ARMCX4: variants seen among roughly 807,000 people sequenced by gnomAD.
The protein encoded by ARMCX4 is armadillo repeat containing X-linked 4, also known as armadillo repeat-containing X-linked protein 4.
In ARMCX4, 3 loss-of-function variants were observed where a neutral mutation model predicts 34.7. The ratio of observed to expected loss-of-function variants is 0.09; its 90% CI spans 0.04 to 0.22. ARMCX4 has a LOEUF of 0.22. Among genes scored for constraint, ARMCX4 ranks in the 10% least tolerant of loss-of-function variants. ARMCX4 has a pLI of 1.00. For synonymous variants in ARMCX4, 513 were observed against 632.8 expected (o/e 0.81, Z 2.84); for missense variants, 1,448 against 1,720.8 (o/e 0.84, Z 2.81).
intron 2 of ARMCX4, among the ~76,000 whole-genome samples, chrX:101,421,632 A>G (rs782236486): frequency 9.0e-6 from 1 of 111,128 alleles, no homozygotes; most frequent in Admixed American, 9.6e-5. Flanking sequence ...TTTTTCCAAG[A>G]TGGTCCCTGC....
chrX:101,510,529 A>C (rs1934559372), intron 10 of ARMCX4, among the ~76,000 whole-genome samples: 2 of 111,319 alleles, frequency 1.8e-5, no homozygotes, highest in Admixed American at 1.9e-4. Context: ...CAAGCCTCCT[A>C]TTTTTGGTCT....
At chrX:101,423,189 C>T (rs1187359523) in intron 2 of ARMCX4, among the ~76,000 whole-genome samples, 2 of 110,163 alleles carry the variant, frequency 1.8e-5, no homozygotes, top group East Asian at 3.0e-4. Flanking sequence ...GGATTACAGG[C>T]GTGAGCCACC....
chrX:101,492,088 G>T lies in ARMCX4; in HGVS notation c.3499G>T (p.Ala1167Ser). The change falls in exon 6 of 6, where the codon GCT becomes TCT. Residue 1167 changes from alanine (A) to serine (S), a missense_variant. Coordinates refer to ENST00000423738, the MANE Select transcript of ARMCX4 (RefSeq NM_001256155.3). ...TGATGAGACCAGTGTTAAGTCCTGG[G>T]CTGGGGCCAGGGCTGAGAATGTGGT... ...ACDETSVKSW[A>S]GARAENVVGI... The T allele has an allele frequency of 8.7e-7, 1 of 1,151,832 alleles. No individual in the cohort carries two copies. The highest frequency in any genetic ancestry group is 1.1e-6 in the Non-Finnish European group (1 of 870,168). The allele number at this position is 1,151,832 out of a possible 1,213,427, so 94.9% of individuals were successfully genotyped here.
At chrX:101,421,648 CTG>C (rs1929261537) in intron 2 of ARMCX4, among the ~76,000 whole-genome samples, 1 of 111,054 alleles carries the variant, frequency 9.0e-6, no homozygotes, top group Non-Finnish European at 1.9e-5. Flanking sequence ...CCTGCACACA[CTG>C]TGTCCTCCAG....
chrX:101,516,068 T>C (rs5951340), intron 11 of ARMCX4, among the ~76,000 whole-genome samples: 58,733 of 110,767 alleles, frequency 0.53, 12,390 homozygotes, highest in Non-Finnish European at 0.68. Context: ...TTTAAATTAA[T>C]GCTGTTTGTT....
At chrX:101,529,079 A>G (rs1345607064) in intron 11 of ARMCX4, among the ~76,000 whole-genome samples, 1 of 111,778 alleles carries the variant, frequency 8.9e-6, no homozygotes, top group Non-Finnish European at 1.9e-5. Flanking sequence ...CCTGACTTCA[A>G]ACTATACTAC....
intron 4 of ARMCX4, among the ~76,000 whole-genome samples, chrX:101,469,848 A>G (rs1027339020): frequency 3.6e-5 from 4 of 111,237 alleles, no homozygotes; most frequent in Non-Finnish European, 7.5e-5. Flanking sequence ...CCACCAGTGC[A>G]CCATGTCAAT....
chrX:101,504,666 G>A (rs187067235), intron 7 of ARMCX4, among the ~76,000 whole-genome samples: 1 of 111,403 alleles, frequency 9.0e-6, no homozygotes, highest in African/African-American at 3.3e-5. Flanking sequence ...TTACTCTAGT[G>A]TTGTTGTAGT....
In ARMCX4 at chrX:101,492,683, G is replaced by T; in HGVS notation, c.4094G>T (p.Arg1365Met). Residue 1365 changes from arginine to methionine, a missense_variant, in exon 6 of 6, where the codon AGG becomes ATG. By Grantham distance (91) the Arg-to-Met change is moderately conservative. Coordinates refer to ENST00000423738, the MANE Select transcript of ARMCX4 (RefSeq NM_001256155.3). ...DTADQASGGSRLGHVDQSSGG... is the reference protein window; with the variant it reads ...DTADQASGGSMLGHVDQSSGG... ...GCAGACCAAGCCAGTGGAGGGTCTA[G>T]GCTGGGCCACGTAGATCAGTCCAGT... 1 of 1,123,933 alleles carries T rather than the reference G, an allele frequency of 8.9e-7. No individual in the cohort carries two copies. Among genetic ancestry groups the T allele is most frequent in the African/African-American group, 1.9e-5 (1 of 51,977 alleles). The allele number at this position is 1,123,933 out of a possible 1,213,427, so 92.6% of individuals were successfully genotyped here. A position where few individuals can be genotyped will look rare whatever the true frequency, so the allele number is the denominator to read the frequency against.
In ARMCX4 at chrX:101,490,957, C is replaced by T. The variant is rs782046016; in HGVS notation, c.2368C>T (p.Pro790Ser). Reference protein sequence around the residue: ...AGMGATGSVQPQAVANSHCET... With the variant: ...AGMGATGSVQSQAVANSHCET... The stretch of plus-strand genomic sequence containing the variant: ...GATGGGTGCAACAGGCTCTGTCCAG[C>T]CCCAGGCTGTGGCTAATTCCCATTG... Residue 790 changes from proline (P) to serine (S), a missense_variant, in exon 6 of 6, where the codon CCC becomes TCC. Physicochemically the swap from Pro to Ser is moderately conservative, Grantham distance 74. Around this residue, in one of 2 missense-constraint regions of ARMCX4, gnomAD observed 1,343 missense variants for 1,540.7 expected, o/e 0.87. Transcript: ENST00000423738. 8.7e-6 allele frequency: 10 copies of T among 1,153,960 alleles called. No homozygotes were observed. In the African/African-American group the frequency reaches 1.6e-4, roughly 19 times the overall value.
At position 101,504,673 on chromosome X, in the gene ARMCX4, T is replaced by TAG. The variant is rs782609370; in HGVS notation, c.*1178-263_*1178-262dup. ...CCAGATTCTTACTCTAGTGTTGTTG[T>TAG]AGTAGTAGACTTAGGGCTTAGAGGC... On this transcript the variant is annotated intron_variant and NMD_transcript_variant, in intron 7 of 12. Coordinates refer to the ARMCX4 transcript ENST00000354842. 5.1e-4 allele frequency among the ~76,000 whole-genome samples: 57 copies of TAG among 111,526 alleles called. 4 individuals carry two copies. In the East Asian group the frequency reaches 5.7e-3, roughly 11 times the overall value.
At chrX:101,507,421 A>T (rs193160096) in intron 8 of ARMCX4, among the ~76,000 whole-genome samples, 5 of 111,827 alleles carry the variant, frequency 4.5e-5, no homozygotes, top group African/African-American at 1.6e-4. Context: ...GGCATCTATT[A>T]TATATTATTG....
In ARMCX4 at chrX:101,491,067, C is replaced by G; in HGVS notation, c.2478C>G (p.Gly826=). 8.7e-7 allele frequency: 1 copy of G among 1,155,238 alleles called. No individual in the cohort carries two copies. Among genetic ancestry groups the G allele is most frequent in the Non-Finnish European group, 1.1e-6 (1 of 872,741 alleles). ...SKAGAGMDTR[G]SAQPQAVANS... ...CAGGGGCTGGGATGGATACAAGGGG[C>G]TCTGCCCAGCCCCAGGCTGTGGCCA... The change falls in exon 6 of 6, where the codon GGC becomes GGG. Residue 826 remains glycine (G), a synonymous_variant. Coordinates refer to ENST00000423738, the MANE Select transcript of ARMCX4 (RefSeq NM_001256155.3).
chrX:101,515,548 T>TTTCTCTCA (rs1934726927), intron 11 of ARMCX4, among the ~76,000 whole-genome samples: 1 of 93,143 alleles, frequency 1.1e-5, no homozygotes. Flanking sequence ...TCTTTCTCTC[T>TTTCTCTCA]TTATTTCTTT....
At chrX:101,480,039 T>A (rs1395146563) in intron 4 of ARMCX4, among the ~76,000 whole-genome samples, 1 of 108,201 alleles carries the variant, frequency 9.2e-6, no homozygotes, top group African/African-American at 3.4e-5. Flanking sequence ...TGAGTATAAA[T>A]GAGAATTTAA....
intron 11 of ARMCX4, among the ~76,000 whole-genome samples, chrX:101,529,906 C>T (rs1935083723): frequency 9.0e-6 from 1 of 111,730 alleles, no homozygotes; most frequent in Admixed American, 9.5e-5. Flanking sequence ...CTAGTTCAAC[C>T]ATTGTGGAAG....
chrX:101,422,326 G>A (rs1320629758), intron 2 of ARMCX4, among the ~76,000 whole-genome samples: 1 of 107,197 alleles, frequency 9.3e-6, no homozygotes, highest in African/African-American at 3.4e-5. Context: ...TGGGATCAGA[G>A]TTTTTAAAGA....
At chrX:101,531,305 A>G (rs1368072239) in intron 11 of ARMCX4, among the ~76,000 whole-genome samples, 1 of 112,183 alleles carries the variant, frequency 8.9e-6, no homozygotes, top group Admixed American at 9.5e-5. Context: ...ATATGAGGTA[A>G]CATATTCACA....
upstream of ARMCX4, among the ~76,000 whole-genome samples, chrX:101,483,190 G>A (rs782711770): frequency 1.8e-5 from 2 of 109,509 alleles, no homozygotes; most frequent in Admixed American, 2.0e-4. Flanking sequence ...CACCGTGCCC[G>A]GCTGCGTCAG....
Sources: allele counts gnomAD v4.1 joint callset (sites outside exome capture counted in the v4.1 genomes callset), GRCh38; gene constraint gnomAD v4.1.1; regional missense constraint gnomAD v4.1.1; transcripts MANE v1.5; gene names NCBI Gene and HGNC (gene_info 2026-07-23, HGNC 2026-07-21).